ADCY3: variants seen among roughly 807,000 people sequenced by gnomAD.
ADCY3 encodes adenylate cyclase type 3.
Under a neutral mutation model 119.4 loss-of-function variants are expected in ADCY3, and 70 were observed. That is an observed-to-expected ratio of 0.59 (90% CI 0.48 to 0.72). ADCY3 has a LOEUF of 0.72. Among genes scored for constraint, ADCY3 ranks in the 30% least tolerant of loss-of-function variants. The pLI, the probability that ADCY3 is intolerant of heterozygous loss-of-function variation, is 0.00. For synonymous variants in ADCY3, 672 were observed against 621.4 expected, an observed-to-expected ratio of 1.08 and a Z score of -1.21; for missense variants, 1,238 against 1,541.6, an observed-to-expected ratio of 0.80 and a Z score of 3.30.
chr2:24,868,136 C>G (rs900013858), intron 3 of ADCY3, among the ~76,000 whole-genome samples: 2 of 152,084 alleles, frequency 1.3e-5, no homozygotes, highest in Admixed American at 1.3e-4. Flanking sequence ...TGTTCTCTGA[C>G]CAGAATAAAG....
intron 2 of ADCY3, among the ~76,000 whole-genome samples, chr2:24,881,515 G>A (rs1572977980): frequency 6.6e-6 from 1 of 152,244 alleles, no homozygotes; most frequent in East Asian, 1.9e-4. Context: ...CCTACAGCAT[G>A]AGGCACAGCC....
At chr2:24,823,460 T>C (rs1026906339) in intron 17 of ADCY3, 105 bp from the exon 18 acceptor site, 1 of 1,288,542 alleles carries the variant, frequency 7.8e-7, no homozygotes, top group African/African-American at 1.5e-5. Context: ...ACTCAGCTTT[T>C]TGGACTCACA....
At chr2:24,831,570 G>T in intron 12 of ADCY3, 92 bp downstream of exon 12, 3 of 1,024,558 alleles carry the variant, frequency 2.9e-6, no homozygotes, top group South Asian at 1.4e-5. Context: ...TGTCAGATTT[G>T]ACAGAAAGAA....
chr2:24,834,551 GCCC>G lies in ADCY3; in HGVS notation c.1898_1900del (p.Gly633del). The G allele has an allele frequency of 6.2e-7, 1 of 1,614,020 alleles. No homozygotes were observed. The highest frequency in any genetic ancestry group is 8.5e-7 in the Non-Finnish European group (1 of 1,180,034). On this transcript the variant is annotated inframe_deletion, in exon 11 of 22. Coordinates refer to ENST00000679454, the MANE Select transcript of ADCY3 (RefSeq NM_004036.5). This position sits in a 1 kb window ranked among gnomAD's most constrained non-coding sequence, Gnocchi z 4.2. Reference sequence around the variant, plus strand: ...GACGACGCAGGAGCAGCTGAAGGCAGCCCCACTCTGCTTCTCCTTCTCCACCGA... The same window carrying G: ...GACGACGCAGGAGCAGCTGAAGGCAGCACTCTGCTTCTCCTTCTCCACCGA...
Position 24,819,452 on chromosome 2 carries a change from T to TCAGGAACAC in ADCY3, c.*471_*479dup, listed in dbSNP as rs1667195823. The TCAGGAACAC allele has an allele frequency of 6.5e-6, 1 of 153,370 alleles. No individual in the cohort carries two copies. The highest frequency in any genetic ancestry group is 1.5e-5 in the Non-Finnish European group (1 of 68,626). 9.5% of individuals were successfully genotyped at this position (153,370 alleles called of 1,614,324 possible). A position where few individuals can be genotyped will look rare whatever the true frequency, so the allele number is the denominator to read the frequency against. The stretch of plus-strand genomic sequence containing the variant: ...GTTCCAGAAGAACCTTTCAAGATGA[T>TCAGGAACAC]CAGGAACACCAGGACGAGGGCCGTC... On this transcript the variant is annotated 3_prime_UTR_variant, in exon 22 of 22. Coordinates refer to ENST00000679454, the MANE Select transcript of ADCY3 (RefSeq NM_004036.5).
intron 2 of ADCY3, among the ~76,000 whole-genome samples, chr2:24,873,570 G>A (rs991923223): frequency 5.9e-5 from 9 of 152,194 alleles, no homozygotes; most frequent in Admixed American, 4.6e-4. Flanking sequence ...CTCCTGCTGG[G>A]GTAACCTTGG....
rs147738370 is a variant in ADCY3 at position 24,898,333 on chromosome 2, G to C, written c.675+19980C>G. Among the ~76,000 whole-genome samples, 1 of 151,936 alleles carries C rather than the reference G, an allele frequency of 6.6e-6. No homozygotes were observed. On this transcript the variant is annotated intron_variant, in intron 2 of 21. Transcript: ENST00000679454. The surrounding 1 kb of genome is among the most constrained non-coding windows in gnomAD (Gnocchi z 4.3). ...TCACCGTGGGGTGAGCCCCACCCTC[G>C]CACCGAGAAGAAAGGAAGGGAGTGG...
intron 9 of ADCY3, among the ~76,000 whole-genome samples, chr2:24,836,700 G>T (rs1357367563): frequency 6.6e-6 from 1 of 152,148 alleles, no homozygotes; most frequent in Non-Finnish European, 1.5e-5. Flanking sequence ...CACCTCTTTT[G>T]ACCTTACTCA....
rs1484907362 is a variant in ADCY3, at chr2:24,878,309, G to A, written c.676-5590C>T. On this transcript the variant is annotated intron_variant, in intron 2 of 21. Transcript: ENST00000679454. The surrounding 1 kb of genome is among the most constrained non-coding windows in gnomAD (Gnocchi z 4.0). ...CCTCCCTCCTGGAAGTTTACGCATC[G>A]CAAGATCCTTCACGTTTGCTAACAA... Among the ~76,000 whole-genome samples the A allele has an allele frequency of 6.6e-6, 1 of 152,022 alleles. No homozygotes were observed. Among genetic ancestry groups the A allele is most frequent in the African/African-American group, 2.4e-5 (1 of 41,372 alleles).
intron 2 of ADCY3, among the ~76,000 whole-genome samples, chr2:24,895,194 G>A (rs942418697): frequency 6.6e-6 from 1 of 151,998 alleles, no homozygotes; most frequent in Middle Eastern, 3.2e-3. Context: ...GGGTTCAAGC[G>A]ATTCTCCTGC....
At chr2:24,871,410 G>A (rs1481583212) in intron 3 of ADCY3, among the ~76,000 whole-genome samples, 2 of 152,200 alleles carry the variant, frequency 1.3e-5, no homozygotes, top group Non-Finnish European at 2.9e-5. Flanking sequence ...CCCCTCCTAT[G>A]GGGGCCTTCT....
chr2:24,858,777 G>C (rs918345819), intron 3 of ADCY3, among the ~76,000 whole-genome samples: 3 of 152,234 alleles, frequency 2.0e-5, no homozygotes, highest in Non-Finnish European at 4.4e-5. Context: ...GCCCAGCTCA[G>C]AGGCCACACA....
chr2:24,850,492 C>G (rs757943976), intron 3 of ADCY3, among the ~76,000 whole-genome samples: 4 of 152,126 alleles, frequency 2.6e-5, no homozygotes, highest in Non-Finnish European at 5.9e-5. Context: ...CCCATAGCAG[C>G]CTAGGATTGC....
chr2:24,827,169 T>C (rs1050157358), intron 15 of ADCY3, among the ~76,000 whole-genome samples: 1 of 152,216 alleles, frequency 6.6e-6, no homozygotes, highest in Non-Finnish European at 1.5e-5. Context: ...AGAGAACTTC[T>C]GGTTCAGTAT....
intron 3 of ADCY3, among the ~76,000 whole-genome samples, chr2:24,852,246 C>T (rs983792564): frequency 5.9e-5 from 9 of 152,168 alleles, no homozygotes; most frequent in Non-Finnish European, 7.3e-5. Context: ...CCCAGCACCC[C>T]GGTCCGCTCC....
At chr2:24,828,257 C>T (rs1668906485) in intron 13 of ADCY3, 96 bp from the exon 14 acceptor site, 6 of 1,430,798 alleles carry the variant, frequency 4.2e-6, no homozygotes, top group Admixed American at 2.1e-5. Flanking sequence ...TCAGCTGCCA[C>T]CTCCCGCGGC....
intron 13 of ADCY3, among the ~76,000 whole-genome samples, chr2:24,829,737 G>T (rs1184019623): frequency 1.3e-5 from 2 of 151,198 alleles, no homozygotes; most frequent in African/African-American, 4.9e-5. Flanking sequence ...TGCTCCAATT[G>T]TTAAAGTACA....
chr2:24,914,712 G>T (rs1664232989), intron 2 of ADCY3, among the ~76,000 whole-genome samples: 2 of 151,930 alleles, frequency 1.3e-5, no homozygotes, highest in African/African-American at 2.4e-5. Context: ...GACAGGCAGG[G>T]GCTAGAGGAT....
At chr2:24,861,155 G>T (rs548211540) in intron 3 of ADCY3, among the ~76,000 whole-genome samples, 1 of 151,866 alleles carries the variant, frequency 6.6e-6, no homozygotes, top group East Asian at 1.9e-4. Context: ...GGAGGCTCAG[G>T]CAGGAGAATC....
Sources: gnomAD v4.1 joint callset for allele counts (sites outside exome capture counted in the v4.1 genomes callset) on GRCh38, gnomAD v4.1.1 for gene constraint, Gnocchi (gnomAD v3.1) non-coding constraint, MANE v1.5 for transcripts, NCBI Gene and HGNC (gene_info 2026-07-23, HGNC 2026-07-21) for gene names.